Variants in DYRK1B observed in about 807,000 individuals in gnomAD.
The protein encoded by DYRK1B is dual specificity tyrosine-phosphorylation-regulated kinase 1B.
DYRK1B carries 20 observed loss-of-function variants against 57.1 expected under a neutral mutation model. That is an observed-to-expected ratio of 0.35 (90% CI 0.25 to 0.51). DYRK1B has a LOEUF of 0.51. Ranked by LOEUF, DYRK1B falls within the 20% of genes least tolerant of loss-of-function variation. The probability of loss-of-function intolerance (pLI) is 0.96; values close to 1 mark genes in which losing one functional copy is unlikely to be tolerated. For missense variants in DYRK1B, 732 were observed against 886.3 expected, an observed-to-expected ratio of 0.83 and a Z score of 2.21; for synonymous variants, 409 against 384.7, an observed-to-expected ratio of 1.06 and a Z score of -0.74.
intron 8 of DYRK1B, 117 bp downstream of exon 8, chr19:39,827,168 G>A: frequency 7.3e-7 from 1 of 1,373,856 alleles, no homozygotes; most frequent in Non-Finnish European, 9.8e-7. Context: ...GGAAAGGACA[G>A]ACAAGGGGGA....
chr19:39,827,112 G>T, intron 8 of DYRK1B, 125 bp from the exon 9 acceptor site: 1 of 1,159,158 alleles, frequency 8.6e-7, no homozygotes, highest in Non-Finnish European at 1.2e-6. Context: ...AAGAAGAGTT[G>T]TGGGGTGGGA....
Position 39,825,836 on chromosome 19 carries a change from G to A in DYRK1B, c.1769C>T (p.Ser590Leu). The change falls in exon 11 of 11, where the codon TCA becomes TTA. Residue 590 changes from serine to leucine, a missense_variant. This residue lies in a region of DYRK1B where 222 missense variants were observed against 205.0 expected (regional missense o/e 1.08). Transcript: ENST00000323039. The stretch of plus-strand genomic sequence containing the variant: ...TCCAGTCATCCGAGTCCGGAGGGCT[G>A]AGGCAGCCGGGTGCTGGGGGGCAGG... ...PAPAPQHPAA[S>L]ALRTRMTGGR... 1 of 1,610,268 alleles carries A rather than the reference G, an allele frequency of 6.2e-7. No individual in the cohort carries two copies. The highest frequency in any genetic ancestry group is 8.5e-7 in the Non-Finnish European group (1 of 1,178,662).
Position 39,828,590 on chromosome 19 carries a change from G to T in DYRK1B, c.521-7C>A. On this transcript the variant is annotated splice_region_variant and splice_polypyrimidine_tract_variant and intron_variant, in intron 5 of 10. Transcript: ENST00000323039. This position sits in a 1 kb window ranked among gnomAD's most constrained non-coding sequence, Gnocchi z 4.3. ...AAGTGCCGCTTCAGGTGTACTGCGG[G>T]GGAGGGGAGGAAATGGGCCAGAGAA... 6.2e-7 allele frequency: 1 copy of T among 1,601,454 alleles called. No individual in the cohort carries two copies. The highest frequency in any genetic ancestry group is 8.5e-7 in the Non-Finnish European group (1 of 1,170,328).
Position 39,828,659 on chromosome 19 carries a change from C to T in DYRK1B, c.521-76G>A, listed in dbSNP as rs1022989703. The T allele has an allele frequency of 1.1e-5, 16 of 1,461,540 alleles. No homozygotes were observed. The highest frequency in any genetic ancestry group is 4.2e-5 in the African/African-American group (3 of 71,762). 90.5% of individuals were successfully genotyped at this position (1,461,540 alleles called of 1,614,324 possible). On this transcript the variant is annotated intron_variant, in intron 5 of 10. Coordinates refer to ENST00000323039, the MANE Select transcript of DYRK1B (RefSeq NM_004714.3). The surrounding 1 kb of genome is among the most constrained non-coding windows in gnomAD (Gnocchi z 4.3). ...CAGGTGGTGGCCTGGGGTCATACAA[C>T]GCTCTTTGATTACTAGCCACATTGT...
chr19:39,831,792 G>A lies in DYRK1B; in HGVS notation c.63+13C>T. The A allele has an allele frequency of 6.5e-7, 1 of 1,549,092 alleles. No individual in the cohort carries two copies. The highest frequency in any genetic ancestry group is 1.2e-5 in the South Asian group (1 of 83,936). On this transcript the variant is annotated intron_variant, in intron 2 of 10. Transcript: ENST00000323039. ...CTACCACCACGCAGGTGAGGAGCCA[G>A]CTGAACGCGTACCTGCGTGTGCTCC...
rs746853814 is a variant in DYRK1B at position 39,826,279 on chromosome 19, G to A, written c.1419C>T (p.Ser473=). 1.3e-6 allele frequency: 2 copies of A among 1,577,198 alleles called. No homozygotes were observed. The highest frequency in any genetic ancestry group is 1.7e-6 in the Non-Finnish European group (2 of 1,166,082). Residue 473 remains serine (S), a synonymous_variant, in exon 10 of 11, where the codon TCC becomes TCT. Coordinates refer to ENST00000323039, the MANE Select transcript of DYRK1B (RefSeq NM_004714.3). The surrounding 1 kb of genome is among the most constrained non-coding windows in gnomAD (Gnocchi z 6.3). ...TCCGGTTGTCACTGGAGGAGCCACT[G>A]GAGCCTCCTGGAAGTGCCAGGGAGG... ...TASSISSSGG[S]SGSSSDNRTY... is the part of the protein sequence containing the mutation.
Position 39,829,490 on chromosome 19 carries a change from G to A in DYRK1B, c.520+390C>T, listed in dbSNP as rs140440535. ...GATCCGCCCACCTCGGCCTCCAAAA[G>A]TGCTGGGATTACAGGCGTGAGCCAC... On this transcript the variant is annotated intron_variant, in intron 5 of 10. Transcript: ENST00000323039. Among the ~76,000 whole-genome samples the A allele has an allele frequency of 8.2e-3, 1,249 of 152,250 alleles. 25 individuals are homozygous for A. The highest frequency in any genetic ancestry group is 0.029 in the African/African-American group (1,211 of 41,546).
Position 39,825,734 on chromosome 19 carries a change from C to T in DYRK1B, c.1871G>A (p.Ser624Asn). 6.4e-7 allele frequency: 1 copy of T among 1,555,026 alleles called. No individual in the cohort carries two copies. The highest frequency in any genetic ancestry group is 1.2e-5 in the South Asian group (1 of 84,820). ...GCAGGGTCACGAGCTGGCTGCTGTG[C>T]TCTGGGGTACACCACGGAGGCCCAG... The part of the protein sequence containing the change: ...PHLGLRGVPQ[S>N]TAASS Residue 624 changes from serine to asparagine, a missense_variant, in exon 11 of 11, where the codon AGC (serine) becomes AAC (asparagine). This residue lies in a region of DYRK1B where 222 missense variants were observed against 205.0 expected (regional missense o/e 1.08). Coordinates refer to ENST00000323039, the MANE Select transcript of DYRK1B (RefSeq NM_004714.3).
intron 1 of DYRK1B, among the ~76,000 whole-genome samples, chr19:39,832,500 G>C (rs923974898): frequency 6.6e-6 from 1 of 152,016 alleles, no homozygotes; most frequent in Non-Finnish European, 1.5e-5. Flanking sequence ...TCAACCCAGA[G>C]AACTCTAGGA....
chr19:39,830,464 C>T lies in DYRK1B; in HGVS notation c.283G>A (p.Asp95Asn), dbSNP rs374944306. 4.8e-5 allele frequency: 77 copies of T among 1,614,070 alleles called. No individual in the cohort carries two copies. The highest frequency in any genetic ancestry group is 5.9e-5 in the Non-Finnish European group (70 of 1,180,056). Residue 95 changes from aspartate to asparagine, a missense_variant, in exon 4 of 11, where the codon GAC (aspartate) becomes AAC (asparagine). Around this residue, in one of 2 missense-constraint regions of DYRK1B, gnomAD observed 510 missense variants for 681.3 expected, o/e 0.75. Coordinates refer to ENST00000323039, the MANE Select transcript of DYRK1B (RefSeq NM_004714.3). ...KKVLNHGYDD[D>N]NHDYIVRSGE... The stretch of plus-strand genomic sequence containing the variant: ...CTGCGCACGATGTAGTCATGGTTGT[C>T]GTCATCATAACCATGGTTCAGGACC...
chr19:39,826,088 TA>T lies in DYRK1B; in HGVS notation c.1519-3del. ...CCGCAGCGGCTGGGAGGGTGGGACC[TA>T]AAAAAGCAAAGGAGCCATGGGTGAT... On this transcript the variant is annotated splice_region_variant and splice_polypyrimidine_tract_variant and intron_variant, in intron 10 of 10. Transcript: ENST00000323039. The surrounding 1 kb of genome is among the most constrained non-coding windows in gnomAD (Gnocchi z 6.3). The T allele has an allele frequency of 2.0e-6, 3 of 1,525,738 alleles. No individual in the cohort carries two copies. The highest frequency in any genetic ancestry group is 1.4e-5 in the African/African-American group (1 of 71,656). The allele number at this position is 1,525,738 out of a possible 1,614,324, so 94.5% of individuals were successfully genotyped here. A position where few individuals can be genotyped will look rare whatever the true frequency, so the allele number is the denominator to read the frequency against.
intron 4 of DYRK1B, 146 bp from the exon 5 acceptor site, chr19:39,830,173 A>G: frequency 1.7e-6 from 2 of 1,185,352 alleles, no homozygotes; most frequent in Non-Finnish European, 2.4e-6. Context: ...GCGCTGGTGT[A>G]AACACTGGAT....
At chr19:39,833,265 AC>A (rs1427823617) in intron 1 of DYRK1B, 3 of 984,422 alleles carry the variant, frequency 3.0e-6, no homozygotes, top group Non-Finnish European at 2.4e-6. Context: ...CCCACCCCCT[AC>A]CCGGGTCAGG....
At chr19:39,830,157 A>G in intron 4 of DYRK1B, 130 bp from the exon 5 acceptor site, 3 of 1,241,226 alleles carry the variant, frequency 2.4e-6, no homozygotes, top group Non-Finnish European at 3.4e-6. Context: ...GCGCACCATT[A>G]GTCAGGCGCT....
rs945243349 is a variant in DYRK1B, at chr19:39,825,755, C to T, written c.1850G>A (p.Gly617Asp). The T allele has an allele frequency of 4.5e-6, 7 of 1,564,142 alleles. No homozygotes were observed. The East Asian group carries it at 7.2e-5, about 16-fold the overall frequency. Reference protein sequence around the residue: ...DDPATLGPHLGLRGVPQSTAA... With the variant: ...DDPATLGPHLDLRGVPQSTAA... ...TGTGCTCTGGGGTACACCACGGAGG[C>T]CCAGGTGAGGCCCCAGAGTGGCAGG... Residue 617 changes from glycine to aspartate, a missense_variant, in exon 11 of 11, where the codon GGC becomes GAC. Physicochemically the swap from Gly to Asp is moderately conservative, Grantham distance 94. This residue lies in a region of DYRK1B where 222 missense variants were observed against 205.0 expected (regional missense o/e 1.08). Coordinates refer to ENST00000323039, the MANE Select transcript of DYRK1B (RefSeq NM_004714.3).
rs765975316 is a variant in DYRK1B, at chr19:39,828,548, G to A, written c.556C>T (p.Leu186=). ...LKRHFMFRNH[L]CLVFELLSYN... ...GACAGCAGCTCAAATACCAGGCACA[G>A]GTGGTTCCGGAACATGAAGTGCCGC... The change falls in exon 6 of 11, where the codon CTG becomes TTG. Residue 186 remains leucine, a synonymous_variant. Transcript: ENST00000323039. This position sits in a 1 kb window ranked among gnomAD's most constrained non-coding sequence, Gnocchi z 4.3. 5.0e-6 allele frequency: 8 copies of A among 1,611,372 alleles called. No homozygotes were observed. The highest frequency in any genetic ancestry group is 5.9e-6 in the Non-Finnish European group (7 of 1,178,012).
intron 7 of DYRK1B, 41 bp downstream of exon 7, chr19:39,827,469 C>T (rs907285414): frequency 1.2e-6 from 2 of 1,609,600 alleles, no homozygotes; most frequent in African/African-American, 2.7e-5. Flanking sequence ...AGCCAGGCTC[C>T]ACCCCCTCCA....
At position 39,831,060 on chromosome 19, in the gene DYRK1B, C is replaced by T. The variant is rs1398554666; in HGVS notation, c.64-277G>A. 6.6e-5 allele frequency among the ~76,000 whole-genome samples: 10 copies of T among 152,334 alleles called. No individual in the cohort carries two copies. The South Asian group carries it at 1.7e-3, about 25-fold the overall frequency. ...TTTCACCCCTCACCTTTACTCCTTT[C>T]TGAACCTCAGAGGGAGAGATCATAT... is the stretch of plus-strand genomic sequence containing the variant. On this transcript the variant is annotated intron_variant, in intron 2 of 10. Coordinates refer to ENST00000323039, the MANE Select transcript of DYRK1B (RefSeq NM_004714.3).
chr19:39,825,786 C>G lies in DYRK1B; in HGVS notation c.1819G>C (p.Asp607His). ...TGAGGCCCCAGAGTGGCAGGGTCAT[C>G]AGGAGGCGGGAGGGGTGGACGACCT... ...TGGRPPLPPP[D>H]DPATLGPHLG... The change falls in exon 11 of 11, where the codon GAT becomes CAT. Residue 607 changes from aspartate to histidine, a missense_variant. Around this residue, in one of 2 missense-constraint regions of DYRK1B, gnomAD observed 222 missense variants for 205.0 expected, o/e 1.08. Transcript: ENST00000323039. 6.4e-7 allele frequency: 1 copy of G among 1,573,228 alleles called. No homozygotes were observed. Among genetic ancestry groups the G allele is most frequent in the African/African-American group, 1.4e-5 (1 of 73,916 alleles).
Sources: allele counts gnomAD v4.1 joint callset (sites outside exome capture counted in the v4.1 genomes callset), GRCh38; gene constraint gnomAD v4.1.1; regional missense constraint gnomAD v4.1.1; non-coding constraint Gnocchi (gnomAD v3.1); transcripts MANE v1.5; gene names NCBI Gene and HGNC (gene_info 2026-07-23, HGNC 2026-07-21).